The following SLC47A2 variants were observed in gnomAD, a reference collection of about 807,000 sequenced individuals.
The protein encoded by SLC47A2 is multidrug and toxin extrusion protein 2.
A neutral mutation model predicts 67.7 loss-of-function variants in SLC47A2; 52 were observed. The ratio of observed to expected loss-of-function variants is 0.77; its 90% CI spans 0.61 to 0.97. SLC47A2 has a LOEUF of 0.97. Among genes scored for constraint, SLC47A2 ranks in the 50% least tolerant of loss-of-function variants. The pLI, the probability that SLC47A2 is intolerant of heterozygous loss-of-function variation, is 0.00. For missense variants in SLC47A2, 676 were observed against 712.3 expected (o/e 0.95, Z 0.58); for synonymous variants, 278 against 292.9 (o/e 0.95, Z 0.52).
At chr17:19,687,576 GA>G (rs2085455235) in intron 13 of SLC47A2, among the ~76,000 whole-genome samples, 1 of 150,606 alleles carries the variant, frequency 6.6e-6, no homozygotes, top group Non-Finnish European at 1.5e-5. Context: ...TTGTTTTTTT[GA>G]AAAAATAAAC....
chr17:19,680,348 C>T (rs868054103), intron 15 of SLC47A2, among the ~76,000 whole-genome samples: 12 of 152,014 alleles, frequency 7.9e-5, no homozygotes, highest in African/African-American at 2.2e-4. Flanking sequence ...GGCATGGTGG[C>T]GCATGTCTGT....
chr17:19,716,119 C>T, intron 1 of SLC47A2: 1 of 334,176 alleles, frequency 3.0e-6, no homozygotes, highest in Admixed American at 4.5e-5. Context: ...AGGCTTCATG[C>T]ATCTCTGGGT....
chr17:19,681,607 T>G lies in SLC47A2; in HGVS notation c.1228A>C (p.Ile410Leu). 1 of 1,614,154 alleles carries G rather than the reference T, an allele frequency of 6.2e-7. No homozygotes were observed. The highest frequency in any genetic ancestry group is 8.5e-7 in the Non-Finnish European group (1 of 1,180,014). The change falls in exon 14 of 17, where the codon ATC (isoleucine) becomes CTC (leucine). Residue 410 changes from isoleucine (I) to leucine (L), a missense_variant. Ile to Leu is a conservative substitution (Grantham distance 5, BLOSUM62 2). Transcript: ENST00000433844. ...KQAFGAAVNA[I>L]TYYIIGLPLG... is the part of the protein sequence containing the mutation. The stretch of plus-strand genomic sequence containing the variant: ...GGTAGGCCGATGATGTAATATGTGA[T>G]GGCATTCACAGCGGCACCAAAGGCC...
chr17:19,683,629 T>G (rs958972251), intron 13 of SLC47A2, among the ~76,000 whole-genome samples: 2 of 152,222 alleles, frequency 1.3e-5, no homozygotes, highest in Admixed American at 1.3e-4. Flanking sequence ...CACATGTTCC[T>G]GGACAATGGA....
intron 13 of SLC47A2, among the ~76,000 whole-genome samples, chr17:19,693,661 G>A (rs1393496598): frequency 6.6e-6 from 1 of 151,646 alleles, no homozygotes; most frequent in Non-Finnish European, 1.5e-5. Flanking sequence ...AGCCAGGCAC[G>A]GAGTTGCGTG....
rs188879495 is a variant in SLC47A2 at position 19,685,847 on chromosome 17, G to A, written c.1165-4177C>T. On this transcript the variant is annotated intron_variant, in intron 13 of 16. Transcript: ENST00000433844. This position sits in a 1 kb window ranked among gnomAD's most constrained non-coding sequence, Gnocchi z 4.5. ...AATAAACTACTTTTCAAGACATAGT[G>A]TAAGATATAAATAGAAACAACAAAG... Among the ~76,000 whole-genome samples the A allele has an allele frequency of 7.3e-4, 111 of 152,338 alleles. No individual in the cohort carries two copies. The highest frequency in any genetic ancestry group is 2.6e-3 in the African/African-American group (108 of 41,572).
intron 13 of SLC47A2, among the ~76,000 whole-genome samples, chr17:19,691,591 C>CT (rs1354121246): frequency 1.3e-5 from 2 of 152,108 alleles, no homozygotes; most frequent in Non-Finnish European, 2.9e-5. Context: ...ATGATGGTTA[C>CT]TAGAGGCTGG....
intron 13 of SLC47A2, among the ~76,000 whole-genome samples, chr17:19,684,890 G>T (rs1241501962): frequency 6.6e-6 from 1 of 151,922 alleles, no homozygotes; most frequent in Non-Finnish European, 1.5e-5. Flanking sequence ...CTCTTGCGGA[G>T]CCTGGACTGT....
At chr17:19,702,821 C>G in intron 12 of SLC47A2, 147 bp from the exon 13 acceptor site, 1 of 985,048 alleles carries the variant, frequency 1.0e-6, no homozygotes, top group Non-Finnish European at 1.5e-6. Flanking sequence ...ACTGCTAGCC[C>G]AGAGTTTTCT....
Position 19,704,061 on chromosome 17 carries a change from T to C in SLC47A2, c.1018+9A>G. 1 of 1,597,064 alleles carries C rather than the reference T, an allele frequency of 6.3e-7. No individual in the cohort carries two copies. Among genetic ancestry groups the C allele is most frequent in the Non-Finnish European group, 8.5e-7 (1 of 1,173,944 alleles). ...GTTTGAAGGCCCACCAGGAGAGGACTCCACCTACCTATGCTGAGCACGCCC... is the reference window on the plus strand; with the variant it reads ...GTTTGAAGGCCCACCAGGAGAGGACCCCACCTACCTATGCTGAGCACGCCC... On this transcript the variant is annotated intron_variant, in intron 11 of 16. Transcript: ENST00000433844.
chr17:19,685,973 A>G lies in SLC47A2; in HGVS notation c.1165-4303T>C, dbSNP rs1046985374. Among the ~76,000 whole-genome samples the G allele has an allele frequency of 6.6e-6, 1 of 152,192 alleles. No individual in the cohort carries two copies. The highest frequency in any genetic ancestry group is 1.5e-5 in the Non-Finnish European group (1 of 68,050). On this transcript the variant is annotated intron_variant, in intron 13 of 16. Transcript: ENST00000433844. The surrounding 1 kb of genome is among the most constrained non-coding windows in gnomAD (Gnocchi z 4.5). ...GTTGTCACTAGTTTAAAAATAATGG[A>G]TTATTGGCCAGGCACAGTGGCTGAT...
rs1423904199 is a variant in SLC47A2 at position 19,703,232 on chromosome 17, G to C, written c.1019-65C>G. The C allele has an allele frequency of 2.0e-6, 3 of 1,476,166 alleles. No homozygotes were observed. In the African/African-American group the frequency reaches 4.2e-5, roughly 21 times the overall value. 91.4% of individuals were successfully genotyped at this position (1,476,166 alleles called of 1,614,324 possible). A position where few individuals can be genotyped will look rare whatever the true frequency, so the allele number is the denominator to read the frequency against. ...CCAGGAAGCACCCTTGCTCAGATCAGCAAAGGGCTGGCCCCTATGTCAGTG... is the reference window on the plus strand; with the variant it reads ...CCAGGAAGCACCCTTGCTCAGATCACCAAAGGGCTGGCCCCTATGTCAGTG... On this transcript the variant is annotated intron_variant, in intron 11 of 16. Coordinates refer to ENST00000433844, the MANE Select transcript of SLC47A2 (RefSeq NM_001099646.3).
At chr17:19,687,263 TC>T (rs2085448166) in intron 13 of SLC47A2, among the ~76,000 whole-genome samples, 1 of 152,034 alleles carries the variant, frequency 6.6e-6, no homozygotes, top group Admixed American at 6.6e-5. Flanking sequence ...AAACAACATA[TC>T]AAAACGTATG....
At chr17:19,715,055 G>A in intron 2 of SLC47A2, 61 bp downstream of exon 2, 6 of 1,557,126 alleles carry the variant, frequency 3.9e-6, no homozygotes, top group Non-Finnish European at 5.3e-6. Flanking sequence ...GCCCACCCGG[G>A]AACCCGGTGG....
chr17:19,704,522 C>G (rs977656292), intron 10 of SLC47A2: 4 of 956,818 alleles, frequency 4.2e-6, no homozygotes, highest in Non-Finnish European at 6.1e-6. Flanking sequence ...CAGAAAAGCT[C>G]CCTGTAAGAA....
rs761449191 is a variant in SLC47A2 at position 19,703,100 on chromosome 17, G to A, written c.1086C>T (p.Thr362=). The A allele has an allele frequency of 6.2e-7, 1 of 1,614,002 alleles. No individual in the cohort carries two copies. Among genetic ancestry groups the A allele is most frequent in the East Asian group, 2.2e-5 (1 of 44,884 alleles). The change falls in exon 12 of 17, where the codon ACC becomes ACT. Residue 362 remains threonine (T), a synonymous_variant. Transcript: ENST00000433844. ...GAAAACTGATTACCTACTCATCATT[G>A]GTAAAAATATGCCCCAGCTGATTTT... ...ILKNQLGHIF[T]NDEDVIALVS...
chr17:19,682,412 G>C (rs1228475365), intron 13 of SLC47A2, among the ~76,000 whole-genome samples: 3 of 151,790 alleles, frequency 2.0e-5, no homozygotes. Context: ...AGTTTGAATT[G>C]GGTCTCACTG....
rs755995473 is a variant in SLC47A2, at chr17:19,681,684, CAG to C, written c.1165-16_1165-15del. 1.9e-6 allele frequency: 3 copies of C among 1,602,006 alleles called. No homozygotes were observed. Among genetic ancestry groups the C allele is most frequent in the Middle Eastern group, 1.7e-4 (1 of 6,036 alleles). ...GCCATAGACACACTAGGAGGGGAGACAGAAATGGGCAAGAGTCAGGATGATGA... is the reference window on the plus strand; with the variant it reads ...GCCATAGACACACTAGGAGGGGAGACAAATGGGCAAGAGTCAGGATGATGA... On this transcript the variant is annotated splice_polypyrimidine_tract_variant and intron_variant, in intron 13 of 16. Coordinates refer to ENST00000433844, the MANE Select transcript of SLC47A2 (RefSeq NM_001099646.3).
intron 10 of SLC47A2, 194 bp downstream of exon 10, chr17:19,705,242 G>T: frequency 2.0e-6 from 1 of 498,610 alleles, no homozygotes; most frequent in Non-Finnish European, 3.5e-6. Context: ...ATCACCCTTG[G>T]TCGTCAGGTT....
Sources: gnomAD v4.1 joint callset for allele counts (sites outside exome capture counted in the v4.1 genomes callset) on GRCh38, gnomAD v4.1.1 for gene constraint, Gnocchi (gnomAD v3.1) non-coding constraint, MANE v1.5 for transcripts, NCBI Gene and HGNC (gene_info 2026-07-23, HGNC 2026-07-21) for gene names.